The following CREB5 variants were observed in gnomAD, a reference collection of about 807,000 sequenced individuals.
CREB5 encodes the protein cAMP responsive element binding protein 5.
Under a neutral mutation model 57.1 loss-of-function variants are expected in CREB5, and 19 were observed. The observed-to-expected ratio is 0.33, with a 90% confidence interval of 0.23 to 0.49. The LOEUF (loss-of-function observed/expected upper bound fraction) is 0.49. Among genes scored for constraint, CREB5 ranks in the 20% least tolerant of loss-of-function variants. The pLI is 0.99. For missense variants in CREB5, 579 were observed against 671.6 expected (o/e 0.86, Z 1.52); for synonymous variants, 238 against 238.3 (o/e 1.00, Z 0.01).
intron 5 of CREB5, among the ~76,000 whole-genome samples, chr7:28,675,098 A>G (rs1321727049): frequency 6.6e-6 from 1 of 152,078 alleles, no homozygotes; most frequent in Non-Finnish European, 1.5e-5. Flanking sequence ...CCTCAGGTAA[A>G]ATGTCATCTC....
chr7:28,395,693 A>G (rs976322388), intron 1 of CREB5, among the ~76,000 whole-genome samples: 18 of 152,290 alleles, frequency 1.2e-4, no homozygotes, highest in Admixed American at 7.8e-4. Flanking sequence ...TAAAGATATA[A>G]AACCTTTTTA....
At chr7:28,547,373 A>T (rs1324128082) in intron 4 of CREB5, among the ~76,000 whole-genome samples, 1 of 152,144 alleles carries the variant, frequency 6.6e-6, no homozygotes, top group Non-Finnish European at 1.5e-5. Context: ...TGTAAGTTTG[A>T]GCATCTCTTC....
At position 28,718,840 on chromosome 7, in the gene CREB5, C is replaced by T. The variant is rs1261258112; in HGVS notation, c.552C>T (p.Pro184=). 4 of 1,614,132 alleles carry T rather than the reference C, an allele frequency of 2.5e-6. No homozygotes were observed. The South Asian group carries it at 3.3e-5, about 13-fold the overall frequency. The change falls in exon 6 of 11, where the codon CCC becomes CCT. Residue 184 remains proline, a synonymous_variant. Transcript: ENST00000357727. ...PMPASMPGTL[P]NPTMPGSSAV... Reference sequence around the variant, plus strand: ...CAGCCTCCATGCCTGGGACCCTGCCCAACCCTACAATGCCAGGATCTTCCG... The same window carrying T: ...CAGCCTCCATGCCTGGGACCCTGCCTAACCCTACAATGCCAGGATCTTCCG...
intron 1 of CREB5, among the ~76,000 whole-genome samples, chr7:28,473,340 G>T (rs1385128005): frequency 6.6e-6 from 1 of 152,086 alleles, no homozygotes; most frequent in Non-Finnish European, 1.5e-5. Flanking sequence ...AAAATAAAAA[G>T]CTTCCTTGTG....
chr7:28,730,191 T>G (rs1164309226), intron 7 of CREB5, among the ~76,000 whole-genome samples: 2 of 152,136 alleles, frequency 1.3e-5, no homozygotes, highest in African/African-American at 4.8e-5. Flanking sequence ...TTTTTCTTTC[T>G]TTTTTTGTTT....
At chr7:28,693,754 G>C (rs375365219) in intron 5 of CREB5, among the ~76,000 whole-genome samples, 5 of 152,196 alleles carry the variant, frequency 3.3e-5, no homozygotes, top group African/African-American at 1.2e-4. Flanking sequence ...GAATTCATAA[G>C]AGCATAATAC....
chr7:28,323,521 C>T (rs184576020), intron 1 of CREB5, among the ~76,000 whole-genome samples: 36 of 152,092 alleles, frequency 2.4e-4, no homozygotes, highest in African/African-American at 8.4e-4. Flanking sequence ...ACAAAGTGCC[C>T]CTTCATCCTC....
At chr7:28,734,451 T>G (rs965757634) in intron 7 of CREB5, among the ~76,000 whole-genome samples, 2 of 152,172 alleles carry the variant, frequency 1.3e-5, no homozygotes, top group Non-Finnish European at 2.9e-5. Flanking sequence ...ATGAGTATTT[T>G]TTCCTATCAA....
chr7:28,491,093 G>C (rs553638055), intron 2 of CREB5: 13 of 464,528 alleles, frequency 2.8e-5, no homozygotes, highest in Middle Eastern at 2.2e-3. Context: ...TGAGTGAGTG[G>C]GTGGTGAGGA....
At chr7:28,345,935 C>T (rs141428164) in intron 1 of CREB5, among the ~76,000 whole-genome samples, 78 of 152,236 alleles carry the variant, frequency 5.1e-4, no homozygotes, top group African/African-American at 1.6e-3. Flanking sequence ...AGTATGGTGG[C>T]CCATCAGAAG....
chr7:28,804,516 A>G lies in CREB5; in HGVS notation c.1020A>G (p.Gln340=), dbSNP rs747185757. 3 of 1,613,746 alleles carry G rather than the reference A, an allele frequency of 1.9e-6. No individual in the cohort carries two copies. The East Asian group carries it at 6.7e-5, about 36-fold the overall frequency. The change falls in exon 8 of 11, where the codon CAA becomes CAG. Residue 340 remains glutamine, a synonymous_variant. Coordinates refer to ENST00000357727, the MANE Select transcript of CREB5 (RefSeq NM_182898.4). ...ATCCGCCCCTGCACACCGGCAACCA[A>G]GCACAGGTAGACCTTTTCCGTGATC... The part of the protein sequence containing the change: ...SPHPPLHTGN[Q]AQVSPATQQM...
intron 5 of CREB5, among the ~76,000 whole-genome samples, chr7:28,649,011 C>T (rs1356472294): frequency 6.6e-6 from 1 of 152,158 alleles, no homozygotes; most frequent in African/African-American, 2.4e-5. Flanking sequence ...GGCAGTTACA[C>T]CCCACCAGAG....
intron 1 of CREB5, among the ~76,000 whole-genome samples, chr7:28,450,743 C>A (rs1789754887): frequency 6.6e-6 from 1 of 152,188 alleles, no homozygotes; most frequent in Non-Finnish European, 1.5e-5. Flanking sequence ...TGTCTTAAGT[C>A]TTGGCAAAAT....
At chr7:28,778,817 C>A (rs959250676) in intron 7 of CREB5, 2 of 152,154 alleles carry the variant, frequency 1.3e-5, no homozygotes, top group South Asian at 4.2e-4. Context: ...GGTGACTACT[C>A]CTCCCATTCT....
At chr7:28,702,377 C>T (rs1306543457) in intron 5 of CREB5, among the ~76,000 whole-genome samples, 1 of 152,178 alleles carries the variant, frequency 6.6e-6, no homozygotes, top group African/African-American at 2.4e-5. Context: ...AAAACATTTC[C>T]ATTTGGCATT....
At chr7:28,724,882 A>G (rs1483120899) in intron 7 of CREB5, among the ~76,000 whole-genome samples, 2 of 152,244 alleles carry the variant, frequency 1.3e-5, no homozygotes, top group Non-Finnish European at 2.9e-5. Context: ...GATTTTTAAC[A>G]TATGTTACAT....
At chr7:28,409,569 T>C (rs1583427038), upstream of CREB5, 1 of 181,888 alleles carries the variant, frequency 5.5e-6, no homozygotes, top group Admixed American at 6.3e-5. The surrounding 1 kb of genome is among the most constrained non-coding windows in gnomAD (Gnocchi z 4.4). Context: ...CTTGGTCCAG[T>C]GGGCAGGTCA....
rs150668840 is a variant in CREB5, at chr7:28,316,318, T to C, written c.-25+16877T>C. On this transcript the variant is annotated intron_variant, in intron 1 of 9. Transcript: ENST00000396299. The stretch of plus-strand genomic sequence containing the variant: ...CACTTGCAGACAAACATTGGAGTCA[T>C]TGGAGCCAGGGAAATGCCTGACAAT... 3.3e-3 allele frequency among the ~76,000 whole-genome samples: 508 copies of C among 152,132 alleles called. 1 individual carries two copies. The highest frequency in any genetic ancestry group is 0.012 in the African/African-American group (493 of 41,500).
chr7:28,463,859 T>C (rs1790448839), intron 1 of CREB5, among the ~76,000 whole-genome samples: 1 of 152,176 alleles, frequency 6.6e-6, no homozygotes, highest in Non-Finnish European at 1.5e-5. Flanking sequence ...AAGAATATGT[T>C]GTCTGTGAAT....
Sources: allele counts gnomAD v4.1 joint callset (sites outside exome capture counted in the v4.1 genomes callset), GRCh38; gene constraint gnomAD v4.1.1; non-coding constraint Gnocchi (gnomAD v3.1); transcripts MANE v1.5; gene names NCBI Gene and HGNC (gene_info 2026-07-23, HGNC 2026-07-21).